MYO18B: variants seen among roughly 807,000 people sequenced by gnomAD.
MYO18B encodes myosin XVIIIB.
MYO18B carries 204 observed loss-of-function variants against 273.0 expected under a neutral mutation model. The ratio of observed to expected loss-of-function variants is 0.75; its 90% CI spans 0.67 to 0.84. MYO18B has a LOEUF of 0.84. Among genes scored for constraint, MYO18B ranks in the 40% least tolerant of loss-of-function variants. The pLI, the probability that MYO18B is intolerant of heterozygous loss-of-function variation, is 0.00. For synonymous variants in MYO18B, 1,330 were observed against 1,305.7 expected, an observed-to-expected ratio of 1.02 and a Z score of -0.40; for missense variants, 3,212 against 3,287.6, an observed-to-expected ratio of 0.98 and a Z score of 0.56.
chr22:25,804,861 G>A (rs148739159), intron 12 of MYO18B, among the ~76,000 whole-genome samples: 115 of 152,326 alleles, frequency 7.5e-4, no homozygotes, highest in Middle Eastern at 6.8e-3. Flanking sequence ...CTGTGAGATC[G>A]GATATGATGG....
chr22:25,839,132 GTA>G lies in MYO18B; in HGVS notation c.3208+3693_3208+3694del, dbSNP rs530137593. Among the ~76,000 whole-genome samples, 606 of 150,372 alleles carry G rather than the reference GTA, an allele frequency of 4.0e-3. 8 individuals are homozygous for G. The highest frequency in any genetic ancestry group is 0.014 in the African/African-American group (582 of 41,264). ...TGTGTATATATGTATGAGTGTTTGTGTATATGTGTATGAGTGTGTATATATGT... is the reference window on the plus strand; with the variant it reads ...TGTGTATATATGTATGAGTGTTTGTGTATGTGTATGAGTGTGTATATATGT... On this transcript the variant is annotated intron_variant, in intron 17 of 43. Transcript: ENST00000335473.
chr22:25,810,407 C>CTTT (rs557370446), intron 12 of MYO18B, among the ~76,000 whole-genome samples: 4 of 111,270 alleles, frequency 3.6e-5, no homozygotes, highest in African/African-American at 1.4e-4. Flanking sequence ...CTCCTTCAGG[C>CTTT]TTTTTTTTTT....
At chr22:25,833,886 T>C (rs2089803038) in intron 16 of MYO18B, among the ~76,000 whole-genome samples, 1 of 152,194 alleles carries the variant, frequency 6.6e-6, no homozygotes, top group South Asian at 2.1e-4. Context: ...TGACCAGAGA[T>C]GGCTTGCAGG....
intron 22 of MYO18B, among the ~76,000 whole-genome samples, chr22:25,873,839 C>T (rs192952293): frequency 8.5e-5 from 13 of 152,318 alleles, no homozygotes; most frequent in Admixed American, 3.3e-4. Flanking sequence ...CACAACCCAG[C>T]CTTTCCTGGG....
At chr22:25,877,607 C>T (rs573959760) in intron 24 of MYO18B, among the ~76,000 whole-genome samples, 79 of 152,124 alleles carry the variant, frequency 5.2e-4, no homozygotes, top group African/African-American at 1.7e-3. Context: ...TAGCTGGGAT[C>T]TCAGGCATGC....
intron 30 of MYO18B, 174 bp downstream of exon 30, chr22:25,902,910 A>G: frequency 4.6e-6 from 3 of 657,658 alleles, no homozygotes; most frequent in Non-Finnish European, 7.5e-6. Flanking sequence ...TGGCTGGTAA[A>G]TTGATAATCA....
intron 17 of MYO18B, among the ~76,000 whole-genome samples, chr22:25,838,721 T>C (rs1244076823): frequency 6.6e-6 from 1 of 152,176 alleles, no homozygotes; most frequent in Non-Finnish European, 1.5e-5. Flanking sequence ...ACCATCTAGG[T>C]TGGGGTTAGC....
intron 33 of MYO18B, among the ~76,000 whole-genome samples, chr22:25,916,187 T>G (rs1430304171): frequency 6.6e-6 from 1 of 152,196 alleles, no homozygotes; most frequent in Non-Finnish European, 1.5e-5. Context: ...CAGATTATTT[T>G]CTTTTTAATC....
rs1404102271 is a variant in MYO18B, at chr22:25,770,910, C to A, written c.1618C>A (p.Pro540Thr). 1.3e-6 allele frequency: 2 copies of A among 1,552,130 alleles called. No homozygotes were observed. Among genetic ancestry groups the A allele is most frequent in the Non-Finnish European group, 1.7e-6 (2 of 1,147,168 alleles). ...GCCAGATGAGGGAACAGCAGACCTG[C>A]CAGCAGGAAGGGTGAGACTTTGGAT... ...LKPDEGTADLPAGRVRLWIDA... is the reference protein window; with the variant it reads ...LKPDEGTADLTAGRVRLWIDA... The change falls in exon 6 of 44, where the codon CCA becomes ACA. Residue 540 changes from proline to threonine, a missense_variant. Coordinates refer to ENST00000335473, the MANE Select transcript of MYO18B (RefSeq NM_032608.7).
intron 13 of MYO18B, among the ~76,000 whole-genome samples, chr22:25,826,150 G>A (rs545177829): frequency 6.6e-6 from 1 of 152,316 alleles, no homozygotes; most frequent in South Asian, 2.1e-4. Context: ...TTCCTGAGGA[G>A]GTGTCATTTG....
intron 1 of MYO18B, among the ~76,000 whole-genome samples, chr22:25,753,410 T>C (rs962784772): frequency 6.6e-6 from 1 of 152,096 alleles, no homozygotes; most frequent in African/African-American, 2.4e-5. Flanking sequence ...CAGTCAGCTC[T>C]TTGTAAAACG....
At chr22:25,853,381 C>T (rs555147821) in intron 21 of MYO18B, among the ~76,000 whole-genome samples, 1 of 152,340 alleles carries the variant, frequency 6.6e-6, no homozygotes, top group East Asian at 1.9e-4. Context: ...GTAGACAAGG[C>T]AATGCCTTCT....
Position 26,026,586 on chromosome 22 carries a change from T to A in MYO18B, c.6612T>A (p.His2204Gln). 2 of 1,613,808 alleles carry A rather than the reference T, an allele frequency of 1.2e-6. No individual in the cohort carries two copies. Among genetic ancestry groups the A allele is most frequent in the Non-Finnish European group, 1.7e-6 (2 of 1,179,868 alleles). Residue 2204 changes from histidine (H) to glutamine (Q), a missense_variant, in exon 43 of 44, where the codon CAT (histidine) becomes CAA (glutamine). His to Gln is a conservative substitution (Grantham distance 24). Coordinates refer to ENST00000335473, the MANE Select transcript of MYO18B (RefSeq NM_032608.7). The part of the protein sequence containing the change: ...PHFVRRQKYC[H>Q]FGDGEVLAVQ... ...TTGTCCGCCGGCAAAAGTACTGTCATTTTGGGGACGGCGAAGTGCTTGCCG... is the reference window on the plus strand; with the variant it reads ...TTGTCCGCCGGCAAAAGTACTGTCAATTTGGGGACGGCGAAGTGCTTGCCG...
At chr22:25,799,607 G>T (rs536246492) in intron 12 of MYO18B, among the ~76,000 whole-genome samples, 1 of 152,334 alleles carries the variant, frequency 6.6e-6, no homozygotes, top group African/African-American at 2.4e-5. Context: ...CTGACATTCT[G>T]GGCTGTTACC....
At position 25,992,740 on chromosome 22, in the gene MYO18B, G is replaced by A. The variant is rs5752249; in HGVS notation, c.6287+247G>A. Among the ~76,000 whole-genome samples, 9,651 of 152,282 alleles carry A rather than the reference G, an allele frequency of 0.063. 656 individuals are homozygous for A. Among genetic ancestry groups the A allele is most frequent in the East Asian group, 0.24 (1,217 of 5,160 alleles). ...AGCCTTTGGTGAGGCAATGTGACTG[G>A]AACAAGGACTAGCGTATGGTCTTCT... On this transcript the variant is annotated intron_variant, in intron 40 of 43. Transcript: ENST00000335473.
At chr22:26,054,340 C>T in the MYO18B span, among the ~76,000 whole-genome samples, 1 of 152,322 alleles carries the variant, frequency 6.6e-6, no homozygotes, top group East Asian at 1.9e-4. Flanking sequence ...ACCCCTTTTG[C>T]AAGTCCTGTG....
At chr22:26,001,193 G>A (rs12167214) in intron 40 of MYO18B, among the ~76,000 whole-genome samples, 1 of 152,114 alleles carries the variant, frequency 6.6e-6, no homozygotes, top group African/African-American at 2.4e-5. Context: ...TATTGGCCTA[G>A]TAAATGCAGA....
At chr22:25,953,752 G>C (rs2092818211) in intron 38 of MYO18B, 1 of 152,204 alleles carries the variant, frequency 6.6e-6, no homozygotes. Context: ...CAGCAGAGGA[G>C]AAAAGAAAAT....
rs761931158 is a variant in MYO18B at position 25,876,236 on chromosome 22, C to T, written c.4128C>T (p.Phe1376=). The T allele has an allele frequency of 3.7e-6, 6 of 1,613,466 alleles. No homozygotes were observed. Among genetic ancestry groups the T allele is most frequent in the South Asian group, 1.1e-5 (1 of 90,926 alleles). ...GCATCCAGAAGAATGTGGCTGTGTT[C>T]CTCGCAGTCAAGGACTGGCCATGGT... ...AQCIQKNVAV[F]LAVKDWPWWQ... The change falls in exon 24 of 44, where the codon TTC becomes TTT. Residue 1376 remains phenylalanine, a synonymous_variant. Transcript: ENST00000335473.
Sources: gnomAD v4.1 joint callset for allele counts (sites outside exome capture counted in the v4.1 genomes callset) on GRCh38, gnomAD v4.1.1 for gene constraint, MANE v1.5 for transcripts, NCBI Gene and HGNC (gene_info 2026-07-23, HGNC 2026-07-21) for gene names.